The following CEP128 variants were observed in gnomAD, a reference collection of about 807,000 sequenced individuals.
CEP128 encodes the protein centrosomal protein 128kDa.
Under a neutral mutation model 156.7 loss-of-function variants are expected in CEP128, and 132 were observed. The ratio of observed to expected loss-of-function variants is 0.84; its 90% confidence interval spans 0.73 to 0.97. The LOEUF (loss-of-function observed/expected upper bound fraction) is 0.97, where lower values mean the gene tolerates loss of function less well. CEP128 is among the 50% of genes least tolerant of loss of function. The pLI is 0.00. For synonymous variants in CEP128, 469 were observed against 448.9 expected (o/e 1.04, Z -0.57); for missense variants, 1,252 against 1,281.9 (o/e 0.98, Z 0.36).
chr14:80,616,592 G>GT (rs1321321258), intron 19 of CEP128, among the ~76,000 whole-genome samples: 7 of 152,164 alleles, frequency 4.6e-5, no homozygotes, highest in Non-Finnish European at 1.0e-4. Context: ...GATGAAGGAT[G>GT]TTAACAAGAT....
At chr14:80,830,039 T>A in intron 13 of CEP128, 1 of 386,574 alleles carries the variant, frequency 2.6e-6, no homozygotes, top group Non-Finnish European at 4.7e-6. Context: ...TCCAACATAC[T>A]TTCTTTTTAA....
At chr14:80,683,434 A>T (rs962651642) in intron 19 of CEP128, among the ~76,000 whole-genome samples, 2 of 152,116 alleles carry the variant, frequency 1.3e-5, no homozygotes, top group Non-Finnish European at 1.5e-5. Context: ...CTATATATAT[A>T]TACACACCAC....
intron 21 of CEP128, among the ~76,000 whole-genome samples, chr14:80,548,577 C>T (rs994188428): frequency 6.6e-6 from 1 of 152,138 alleles, no homozygotes; most frequent in Admixed American, 6.5e-5. Flanking sequence ...TTGTATTTTA[C>T]AGAAAGATAC....
At chr14:80,545,242 T>C (rs1889931418) in intron 21 of CEP128, among the ~76,000 whole-genome samples, 1 of 152,102 alleles carries the variant, frequency 6.6e-6, no homozygotes, top group Non-Finnish European at 1.5e-5. Flanking sequence ...ATCCATTGCA[T>C]GGAGTAGTTG....
intron 21 of CEP128, among the ~76,000 whole-genome samples, chr14:80,534,918 GAATA>G (rs1032477580): frequency 4.0e-5 from 6 of 151,214 alleles, no homozygotes; most frequent in African/African-American, 1.2e-4. Flanking sequence ...TTGTTTTCGA[GAATA>G]AATAAATCAG....
At chr14:80,769,186 G>C (rs535503111) in intron 16 of CEP128, among the ~76,000 whole-genome samples, 2 of 150,394 alleles carry the variant, frequency 1.3e-5, no homozygotes, top group East Asian at 3.9e-4. Context: ...CATATTGAGA[G>C]AAATGTTTAT....
intron 13 of CEP128, among the ~76,000 whole-genome samples, chr14:80,817,888 A>G (rs919008330): frequency 6.6e-6 from 1 of 152,134 alleles, no homozygotes; most frequent in African/African-American, 2.4e-5. Context: ...AAAAGAAAGA[A>G]AAACTCACTT....
chr14:80,887,559 CAAG>C, intron 8 of CEP128, among the ~76,000 whole-genome samples: 1 of 152,160 alleles, frequency 6.6e-6, no homozygotes, highest in African/African-American at 2.4e-5. Context: ...AGGCAGAAAT[CAAG>C]AAGTTCTTTG....
At chr14:80,671,054 A>C (rs1476758825) in intron 19 of CEP128, among the ~76,000 whole-genome samples, 2 of 152,118 alleles carry the variant, frequency 1.3e-5, no homozygotes, top group African/African-American at 4.8e-5. Flanking sequence ...CTTAAATCAA[A>C]TGGTCATCAG....
chr14:80,790,925 T>C (rs1901673332), intron 14 of CEP128, among the ~76,000 whole-genome samples: 1 of 152,136 alleles, frequency 6.6e-6, no homozygotes, highest in African/African-American at 2.4e-5. Flanking sequence ...CCACAATATG[T>C]TATATTTGTA....
chr14:80,511,053 GT>G lies in CEP128; in HGVS notation c.3073-6034del, dbSNP rs35675273. Reference sequence around the variant, plus strand: ...GTTCATCAGAGATATTGGCCTGTGGGTTTTTTTTTTCCTTTTTTTTTTTTAT... The same window carrying G: ...GTTCATCAGAGATATTGGCCTGTGGGTTTTTTTTTCCTTTTTTTTTTTTAT... On this transcript the variant is annotated intron_variant, in intron 23 of 24. Transcript: ENST00000555265. Among the ~76,000 whole-genome samples the G allele has an allele frequency of 3.5e-5, 5 of 144,416 alleles. No homozygotes were observed. In the South Asian group the frequency reaches 6.4e-4, roughly 18 times the overall value. The allele number at this position is 144,416 out of a possible 152,430, so 94.7% of individuals were successfully genotyped here.
chr14:80,709,630 G>T (rs544500190), intron 19 of CEP128, among the ~76,000 whole-genome samples: 13 of 152,026 alleles, frequency 8.6e-5, no homozygotes, highest in Non-Finnish European at 1.6e-4. Context: ...AAATAACTTA[G>T]AAATAAATGA....
intron 21 of CEP128, 31 bp downstream of exon 21, chr14:80,559,248 A>C (rs1890566968): frequency 1.9e-6 from 3 of 1,594,966 alleles, no homozygotes; most frequent in East Asian, 2.3e-5. Flanking sequence ...AGTAATTCTG[A>C]TAAAAGGAGA....
chr14:80,495,108 G>T (rs1887448229), downstream of CEP128, among the ~76,000 whole-genome samples: 1 of 152,130 alleles, frequency 6.6e-6, no homozygotes, highest in Admixed American at 6.6e-5. Flanking sequence ...ATTGGACCAG[G>T]CTTACTGCAG....
intron 15 of CEP128, among the ~76,000 whole-genome samples, chr14:80,781,632 G>A (rs947185275): frequency 4.9e-5 from 7 of 142,638 alleles, no homozygotes; most frequent in African/African-American, 1.8e-4. Flanking sequence ...GAGAGTATCC[G>A]GGGGGCTAAA....
At chr14:80,763,279 A>G (rs1900060730) in intron 16 of CEP128, among the ~76,000 whole-genome samples, 1 of 152,130 alleles carries the variant, frequency 6.6e-6, no homozygotes, top group Non-Finnish European at 1.5e-5. Context: ...GCTGAGGTGT[A>G]TCTCCCTAAC....
At chr14:80,874,667 G>C (rs1157679511) in intron 8 of CEP128, among the ~76,000 whole-genome samples, 3 of 152,156 alleles carry the variant, frequency 2.0e-5, no homozygotes, top group African/African-American at 7.2e-5. Context: ...GCCCAGGCTG[G>C]AGTGCAGTGG....
At chr14:80,843,726 T>G (rs1473995329) in intron 9 of CEP128, among the ~76,000 whole-genome samples, 1 of 152,048 alleles carries the variant, frequency 6.6e-6, no homozygotes, top group African/African-American at 2.4e-5. Flanking sequence ...TTGTTTATAT[T>G]TATGTATATT....
chr14:80,874,805 A>G (rs531012631), intron 8 of CEP128, among the ~76,000 whole-genome samples: 5 of 152,160 alleles, frequency 3.3e-5, no homozygotes, highest in African/African-American at 1.2e-4. Context: ...TTTTTAGTAG[A>G]GACGGGGTTT....
Sources: gnomAD v4.1 joint callset for allele counts (sites outside exome capture counted in the v4.1 genomes callset) on GRCh38, gnomAD v4.1.1 for gene constraint, MANE v1.5 for transcripts, NCBI Gene and HGNC (gene_info 2026-07-23, HGNC 2026-07-21) for gene names.